RARB: variants seen among roughly 807,000 people sequenced by gnomAD.
The protein encoded by RARB is HBV-activated protein.
Under a neutral mutation model 51.9 loss-of-function variants are expected in RARB, and 17 were observed. That is an observed-to-expected ratio of 0.33 (90% CI 0.22 to 0.49). The LOEUF (loss-of-function observed/expected upper bound fraction) is 0.49, where lower values mean the gene tolerates loss of function less well. Ranked by LOEUF, RARB falls within the 20% of genes least tolerant of loss-of-function variation. The pLI is 0.99. For synonymous variants in RARB, 215 were observed against 195.4 expected (o/e 1.10, Z -0.84); for missense variants, 369 against 550.8 (o/e 0.67, Z 3.30).
chr3:25,477,354 G>T (rs922463704), intron 2 of RARB, among the ~76,000 whole-genome samples: 6 of 152,172 alleles, frequency 3.9e-5, no homozygotes, highest in African/African-American at 1.4e-4. Context: ...GCCACCTGAT[G>T]AGATGGCTTT....
chr3:24,961,130 T>C (rs986074719), intron 2 of RARB, among the ~76,000 whole-genome samples: 6 of 152,228 alleles, frequency 3.9e-5, no homozygotes, highest in Non-Finnish European at 8.8e-5. Context: ...TAAGTTACTT[T>C]GCTATTATAA....
At chr3:25,523,593 T>C (rs544619032) in intron 3 of RARB, among the ~76,000 whole-genome samples, 8 of 152,294 alleles carry the variant, frequency 5.3e-5, no homozygotes, top group African/African-American at 1.9e-4. Flanking sequence ...AGAGGGGTTT[T>C]TCACCAGCTG....
In RARB at chr3:25,461,948, G is replaced by A. The variant is rs535818216; in HGVS notation, c.306+607G>A. Among the ~76,000 whole-genome samples, 6 of 152,254 alleles carry A rather than the reference G, an allele frequency of 3.9e-5. No individual in the cohort carries two copies. The South Asian group carries it at 8.3e-4, about 21-fold the overall frequency. On this transcript the variant is annotated intron_variant, in intron 2 of 7. Transcript: ENST00000330688. ...GGTTGGAAGAATCTTGAAAAGCATC[G>A]TTCTTTTTCTCTTTAGAACATGCCG...
intron 4 of RARB, among the ~76,000 whole-genome samples, chr3:25,145,775 C>G (rs1389259532): frequency 2.0e-5 from 3 of 152,014 alleles, no homozygotes; most frequent in Non-Finnish European, 4.4e-5. Flanking sequence ...TTGGGTGGCT[C>G]ACCTGAGGTC....
intron 3 of RARB, among the ~76,000 whole-genome samples, chr3:25,087,967 C>T (rs1002602221): frequency 3.3e-5 from 5 of 151,668 alleles, no homozygotes; most frequent in African/African-American, 9.7e-5. Flanking sequence ...ATTAAATTCT[C>T]CTAAGTATAG....
intron 5 of RARB, among the ~76,000 whole-genome samples, chr3:25,268,956 A>C (rs980268463): frequency 6.6e-6 from 1 of 152,202 alleles, no homozygotes. Context: ...CCAGAAACTC[A>C]AATAGTATCT....
At chr3:25,461,134 A>G (rs2125555272) in intron 1 of RARB, 59 bp from the exon 2 acceptor site, 4 of 1,492,078 alleles carry the variant, frequency 2.7e-6, no homozygotes, top group Non-Finnish European at 3.6e-6. Context: ...CTGTTGAAAA[A>G]AGTAATGAAC....
At chr3:25,293,069 A>G (rs896470728) in intron 5 of RARB, among the ~76,000 whole-genome samples, 1 of 152,168 alleles carries the variant, frequency 6.6e-6, no homozygotes, top group Admixed American at 6.5e-5. Flanking sequence ...TGCAGACAAA[A>G]GATTAGCTCT....
At chr3:25,409,710 A>T (rs780289430) in intron 5 of RARB, among the ~76,000 whole-genome samples, 4 of 152,214 alleles carry the variant, frequency 2.6e-5, no homozygotes, top group African/African-American at 4.8e-5. Flanking sequence ...AATGTGCAGA[A>T]TTCACAGTAG....
chr3:24,944,375 G>A (rs1022328204), intron 2 of RARB, among the ~76,000 whole-genome samples: 1 of 152,184 alleles, frequency 6.6e-6, no homozygotes, highest in South Asian at 2.1e-4. Flanking sequence ...CCTGGAAATA[G>A]CTAACATTGA....
In RARB at chr3:25,596,535, G is replaced by A; in HGVS notation, c.1266G>A (p.Gly422=). ...GHEPLTPSSS[G]NTAEHSPSIS... is the part of the protein sequence containing the mutation. ...AACCCTTGACCCCAAGTTCAAGTGGGAACACAGCAGAGCACAGTCCTAGCA... is the reference window on the plus strand; with the variant it reads ...AACCCTTGACCCCAAGTTCAAGTGGAAACACAGCAGAGCACAGTCCTAGCA... Residue 422 remains glycine, a synonymous_variant, in exon 8 of 8, where the codon GGG becomes GGA. Transcript: ENST00000330688. 6.2e-7 allele frequency: 1 copy of A among 1,613,778 alleles called. No individual in the cohort carries two copies.
upstream of RARB, among the ~76,000 whole-genome samples, chr3:25,426,648 C>T (rs1190212496): frequency 1.3e-5 from 2 of 152,218 alleles, no homozygotes; most frequent in African/African-American, 4.8e-5. Context: ...TCCCTCCCTG[C>T]CTAACCACTT....
intron 5 of RARB, among the ~76,000 whole-genome samples, chr3:25,211,154 A>C (rs1701686673): frequency 6.6e-6 from 1 of 152,198 alleles, no homozygotes; most frequent in Non-Finnish European, 1.5e-5. Context: ...TTGATGTTGA[A>C]AATATGGTCT....
Position 25,594,570 on chromosome 3 carries a change from T to C in RARB, c.1042T>C (p.Leu348=), listed in dbSNP as rs1351277479. 2.1e-5 allele frequency: 34 copies of C among 1,613,784 alleles called. No individual in the cohort carries two copies. The highest frequency in any genetic ancestry group is 2.5e-5 in the Non-Finnish European group (29 of 1,179,850). ...AAAAGTAGATAAGCTACAAGAACCA[T>C]TGCTGGAAGCACTAAAAATTTATAT... ...PTKVDKLQEP[L]LEALKIYIRK... The change falls in exon 7 of 8, where the codon TTG becomes CTG. Residue 348 remains leucine, a synonymous_variant. Coordinates refer to ENST00000330688, the MANE Select transcript of RARB (RefSeq NM_000965.5).
chr3:25,589,002 C>CGG (rs1266776939), intron 5 of RARB, among the ~76,000 whole-genome samples: 1 of 152,140 alleles, frequency 6.6e-6, no homozygotes, highest in African/African-American at 2.4e-5. Context: ...TAAGCTCCAC[C>CGG]CCTTAAAGGG....
At chr3:25,532,357 A>G (rs1698964201) in intron 3 of RARB, among the ~76,000 whole-genome samples, 1 of 152,148 alleles carries the variant, frequency 6.6e-6, no homozygotes, top group South Asian at 2.1e-4. Context: ...ATGTGGCTAC[A>G]TTTTCTTCCT....
chr3:25,224,783 T>G (rs756177416), intron 5 of RARB, among the ~76,000 whole-genome samples: 4 of 152,014 alleles, frequency 2.6e-5, no homozygotes, highest in Non-Finnish European at 5.9e-5. Flanking sequence ...TTTTTGTATT[T>G]TTAGTAGAGA....
At chr3:25,218,389 C>A (rs940197373) in intron 5 of RARB, among the ~76,000 whole-genome samples, 1 of 152,026 alleles carries the variant, frequency 6.6e-6, no homozygotes, top group Non-Finnish European at 1.5e-5. Flanking sequence ...CTTTAAATAC[C>A]CAGGGTGCTG....
At chr3:25,020,590 T>C (rs1422078776) in intron 2 of RARB, 1 of 152,078 alleles carries the variant, frequency 6.6e-6, no homozygotes, top group Non-Finnish European at 1.5e-5. Context: ...GGTGGTCACA[T>C]GAAAAGCCCT....
Sources: gnomAD v4.1 joint callset for allele counts (sites outside exome capture counted in the v4.1 genomes callset) on GRCh38, gnomAD v4.1.1 for gene constraint, MANE v1.5 for transcripts, NCBI Gene and HGNC (gene_info 2026-07-23, HGNC 2026-07-21) for gene names.